Variants in XRCC4 observed in about 807,000 individuals in gnomAD.
XRCC4 encodes DNA repair protein XRCC4.
In XRCC4, 28 loss-of-function variants were observed where a neutral mutation model predicts 39.1. That is an observed-to-expected ratio of 0.72 (90% CI 0.53 to 0.98). XRCC4 has a LOEUF of 0.98. Among genes scored for constraint, XRCC4 ranks in the 50% least tolerant of loss-of-function variants. The pLI is 0.00. For synonymous variants in XRCC4, 123 were observed against 126.4 expected (o/e 0.97, Z 0.18); for missense variants, 350 against 376.4 (o/e 0.93, Z 0.58).
chr5:83,109,182 A>G (rs1365647892), intron 2 of XRCC4, among the ~76,000 whole-genome samples: 1 of 151,832 alleles, frequency 6.6e-6, no homozygotes, highest in Non-Finnish European at 1.5e-5. Context: ...TGTGTGTTCC[A>G]TTTTAGGGAT....
At chr5:83,156,771 G>A (rs1033869357) in intron 3 of XRCC4, among the ~76,000 whole-genome samples, 1 of 152,094 alleles carries the variant, frequency 6.6e-6, no homozygotes, top group Non-Finnish European at 1.5e-5. Flanking sequence ...TTTGGAAGAT[G>A]CAGATGCATA....
At chr5:83,086,361 C>T (rs1215693381) in intron 1 of XRCC4, among the ~76,000 whole-genome samples, 1 of 152,078 alleles carries the variant, frequency 6.6e-6, no homozygotes, top group East Asian at 1.9e-4. Context: ...TCATCAATAA[C>T]ATAAACAGTT....
At chr5:83,310,972 T>G in intron 7 of XRCC4, 3 of 383,160 alleles carry the variant, frequency 7.8e-6, no homozygotes, top group South Asian at 5.9e-5. Flanking sequence ...GGAGGGAGTG[T>G]AGCCCTGCCA....
chr5:83,302,335 G>A (rs1167733539), intron 7 of XRCC4, among the ~76,000 whole-genome samples: 7 of 152,118 alleles, frequency 4.6e-5, no homozygotes, highest in African/African-American at 1.7e-4. Context: ...CCATGGTGGT[G>A]TAGGCACCCG....
At chr5:83,195,408 A>G (rs866073157) in intron 3 of XRCC4, among the ~76,000 whole-genome samples, 12 of 152,208 alleles carry the variant, frequency 7.9e-5, no homozygotes, top group African/African-American at 2.9e-4. Context: ...AATTAGAGTT[A>G]AAATTATCAT....
intron 6 of XRCC4, among the ~76,000 whole-genome samples, chr5:83,212,398 AG>A (rs1751683432): frequency 6.6e-6 from 1 of 152,194 alleles, no homozygotes; most frequent in Non-Finnish European, 1.5e-5. Context: ...AGATCAATAG[AG>A]TGAATAATTT....
intron 7 of XRCC4, among the ~76,000 whole-genome samples, chr5:83,264,448 A>T (rs1484369096): frequency 6.6e-6 from 1 of 152,164 alleles, no homozygotes; most frequent in Non-Finnish European, 1.5e-5. Flanking sequence ...AATTATAAAA[A>T]TTAAAACAGT....
intron 7 of XRCC4, among the ~76,000 whole-genome samples, chr5:83,340,610 C>T (rs1033882657): frequency 1.4e-5 from 2 of 142,486 alleles, no homozygotes; most frequent in Non-Finnish European, 1.6e-5. Flanking sequence ...GGAGTGGCCT[C>T]TACAAGCTAA....
intron 6 of XRCC4, among the ~76,000 whole-genome samples, chr5:83,250,044 T>G (rs1046309359): frequency 6.6e-6 from 1 of 152,110 alleles, no homozygotes; most frequent in South Asian, 2.1e-4. Context: ...TCCTTAGACA[T>G]CTCTGTGAAG....
chr5:83,365,871 T>C, the XRCC4 span, among the ~76,000 whole-genome samples: 1 of 152,234 alleles, frequency 6.6e-6, no homozygotes, highest in Admixed American at 6.5e-5. Context: ...ACAATAGATA[T>C]ACTATGTCTT....
chr5:83,113,473 A>G (rs1746546684), intron 3 of XRCC4, among the ~76,000 whole-genome samples: 1 of 152,050 alleles, frequency 6.6e-6, no homozygotes, highest in African/African-American at 2.4e-5. Context: ...AGTGGCCCTA[A>G]TCTTATAGCT....
chr5:83,333,709 C>T (rs71638248), intron 7 of XRCC4, among the ~76,000 whole-genome samples: 1,961 of 151,966 alleles, frequency 0.013, 23 homozygotes, highest in Non-Finnish European at 0.021. Flanking sequence ...TTTATAACCA[C>T]GTTCTATTTT....
intron 3 of XRCC4, among the ~76,000 whole-genome samples, chr5:83,153,446 G>T (rs571002216): frequency 1.6e-4 from 25 of 152,086 alleles, no homozygotes; most frequent in Non-Finnish European, 2.8e-4. Context: ...AGATACTAGA[G>T]AATATATAAT....
At chr5:83,080,893 G>A (rs911454062) in intron 1 of XRCC4, among the ~76,000 whole-genome samples, 3 of 152,184 alleles carry the variant, frequency 2.0e-5, no homozygotes, top group African/African-American at 7.2e-5. Flanking sequence ...TGTTGATGTT[G>A]TTAAGAACTA....
chr5:83,097,866 G>A (rs1195805191), intron 1 of XRCC4, among the ~76,000 whole-genome samples: 1 of 152,046 alleles, frequency 6.6e-6, no homozygotes, highest in African/African-American at 2.4e-5. Flanking sequence ...AAGTTTATTT[G>A]TAATCAAGAG....
intron 3 of XRCC4, among the ~76,000 whole-genome samples, chr5:83,143,881 A>G (rs1288588315): frequency 6.6e-6 from 1 of 151,800 alleles, no homozygotes. Context: ...CAGCTCGACT[A>G]TGATGTGCCT....
chr5:83,182,474 A>G (rs973370141), intron 3 of XRCC4, among the ~76,000 whole-genome samples: 1 of 152,222 alleles, frequency 6.6e-6, no homozygotes, highest in African/African-American at 2.4e-5. Flanking sequence ...AAATCTTTAT[A>G]TAAAATTAAC....
chr5:83,218,004 G>C (rs1248615531), intron 6 of XRCC4, among the ~76,000 whole-genome samples: 1 of 151,656 alleles, frequency 6.6e-6, no homozygotes, highest in African/African-American at 2.4e-5. Context: ...GAAAAAGTAT[G>C]TGGTCGCTTA....
intron 7 of XRCC4, among the ~76,000 whole-genome samples, chr5:83,285,804 T>C (rs193186091): frequency 6.6e-6 from 1 of 152,116 alleles, no homozygotes; most frequent in Non-Finnish European, 1.5e-5. Flanking sequence ...TCTGATCCCA[T>C]TGGTAACTCC....
Sources: allele counts gnomAD v4.1 joint callset (sites outside exome capture counted in the v4.1 genomes callset), GRCh38; gene constraint gnomAD v4.1.1; transcripts MANE v1.5; gene names NCBI Gene and HGNC (gene_info 2026-07-23, HGNC 2026-07-21).